The following ROBO1 variants were observed in gnomAD, a reference collection of about 807,000 sequenced individuals.
ROBO1 encodes roundabout guidance receptor 1.
ROBO1 carries 149 observed loss-of-function variants against 195.9 expected under a neutral mutation model. The observed-to-expected ratio is 0.76, with a 90% CI of 0.67 to 0.87. The LOEUF is 0.87. Among genes scored for constraint, ROBO1 ranks in the 40% least tolerant of loss-of-function variants. ROBO1 has a pLI of 0.00. For synonymous variants in ROBO1, 816 were observed against 733.2 expected (o/e 1.11, Z -1.82); for missense variants, 1,933 against 2,068.3 (o/e 0.93, Z 1.27).
intron 1 of ROBO1, among the ~76,000 whole-genome samples, chr3:79,649,979 AAT>A (rs1307298377): frequency 3.9e-5 from 6 of 152,132 alleles, no homozygotes; most frequent in Non-Finnish European, 8.8e-5. Flanking sequence ...TGTGAAAAAA[AAT>A]AGATAATTAT....
rs1471462019 is a variant in ROBO1, at chr3:78,938,323, G to C, written c.499+278C>G. 4 of 374,936 alleles carry C rather than the reference G, an allele frequency of 1.1e-5. No homozygotes were observed. The East Asian group carries it at 1.7e-4, about 16-fold the overall frequency. The allele number at this position is 374,936 out of a possible 1,614,324, so 23.2% of individuals were successfully genotyped here. The stretch of plus-strand genomic sequence containing the variant: ...AATATCTTTAAAGGTAACAAAGGAG[G>C]GGATGGAACAATTTTAATAAAACTT... On this transcript the variant is annotated intron_variant, in intron 4 of 30. Coordinates refer to ENST00000464233, the MANE Select transcript of ROBO1 (RefSeq NM_002941.4).
chr3:78,992,617 G>A (rs1251838058), intron 3 of ROBO1, among the ~76,000 whole-genome samples: 1 of 152,088 alleles, frequency 6.6e-6, no homozygotes, highest in African/African-American at 2.4e-5. Flanking sequence ...GTCAAGGTGT[G>A]CTGTGGCTTG....
At chr3:78,787,916 G>C (rs1214414552) in intron 4 of ROBO1, among the ~76,000 whole-genome samples, 1 of 134,724 alleles carries the variant, frequency 7.4e-6, no homozygotes, top group Non-Finnish European at 1.6e-5. Flanking sequence ...CACAGAGTTA[G>C]ACCCCTTCTC....
intron 1 of ROBO1, among the ~76,000 whole-genome samples, chr3:79,728,045 A>C (rs1295258688): frequency 6.6e-6 from 1 of 152,044 alleles, no homozygotes; most frequent in Non-Finnish European, 1.5e-5. Flanking sequence ...TCACGCCCCA[A>C]GTGCTTATCT....
chr3:79,213,841 TGAGA>T (rs2082008005), intron 2 of ROBO1, among the ~76,000 whole-genome samples: 2 of 73,826 alleles, frequency 2.7e-5, no homozygotes, highest in Non-Finnish European at 6.4e-5. Context: ...TTTTTTTTTG[TGAGA>T]GAGAGAGTCT....
intron 2 of ROBO1, among the ~76,000 whole-genome samples, chr3:79,447,441 C>T (rs954495091): frequency 1.3e-5 from 2 of 152,198 alleles, no homozygotes; most frequent in Admixed American, 6.5e-5. Flanking sequence ...GCATATTTAG[C>T]TTCTACCTGA....
intron 1 of ROBO1, among the ~76,000 whole-genome samples, chr3:79,599,399 G>A (rs189908897): frequency 3.3e-5 from 5 of 152,132 alleles, no homozygotes; most frequent in Non-Finnish European, 5.9e-5. Flanking sequence ...TGCTTTTCAA[G>A]ATTAAAATAT....
chr3:79,417,496 T>C (rs2038053533), intron 2 of ROBO1, among the ~76,000 whole-genome samples: 1 of 152,116 alleles, frequency 6.6e-6, no homozygotes, highest in African/African-American at 2.4e-5. Context: ...TCTAAAACTA[T>C]ATGAGATAAT....
intron 2 of ROBO1, among the ~76,000 whole-genome samples, chr3:79,382,899 G>T (rs1325222706): frequency 1.3e-5 from 2 of 152,234 alleles, no homozygotes; most frequent in East Asian, 3.9e-4. Flanking sequence ...TGGTACTTCA[G>T]CTGTTTTCCT....
intron 4 of ROBO1, among the ~76,000 whole-genome samples, chr3:78,750,886 G>A (rs898140926): frequency 6.6e-6 from 1 of 152,188 alleles, no homozygotes; most frequent in Admixed American, 6.5e-5. Flanking sequence ...TTATTTATGA[G>A]AAGGGGACCA....
chr3:79,243,665 A>G (rs1295202893), intron 2 of ROBO1, among the ~76,000 whole-genome samples: 2 of 152,100 alleles, frequency 1.3e-5, no homozygotes, highest in Admixed American at 6.5e-5. Flanking sequence ...TCCTTCGCCC[A>G]CTTTTTGATG....
intron 4 of ROBO1, among the ~76,000 whole-genome samples, chr3:78,866,981 C>T (rs1221895111): frequency 3.3e-5 from 5 of 152,088 alleles, no homozygotes; most frequent in Non-Finnish European, 5.9e-5. Flanking sequence ...ACCAAGAATG[C>T]GATTACAAGA....
At chr3:78,817,406 T>G (rs1180844240) in intron 4 of ROBO1, among the ~76,000 whole-genome samples, 1 of 151,966 alleles carries the variant, frequency 6.6e-6, no homozygotes, top group East Asian at 1.9e-4. Flanking sequence ...TCATAAATTT[T>G]ACATGCACTG....
intron 3 of ROBO1, among the ~76,000 whole-genome samples, chr3:79,021,900 T>C (rs2078111021): frequency 6.6e-6 from 1 of 152,186 alleles, no homozygotes; most frequent in Non-Finnish European, 1.5e-5. Flanking sequence ...GACCTAGTGA[T>C]GCACCCGCCT....
At chr3:79,553,478 C>A (rs1359233912) in intron 2 of ROBO1, among the ~76,000 whole-genome samples, 1 of 151,944 alleles carries the variant, frequency 6.6e-6, no homozygotes, top group African/African-American at 2.4e-5. Flanking sequence ...GCATAAAATT[C>A]TCATTCAAGA....
chr3:78,686,408 T>C (rs1212231588), intron 9 of ROBO1, among the ~76,000 whole-genome samples: 1 of 151,508 alleles, frequency 6.6e-6, no homozygotes, highest in Non-Finnish European at 1.5e-5. Context: ...TACAAAAAAT[T>C]AGCCGGGCGT....
rs1559913604 is a variant in ROBO1, at chr3:78,842,289, A to ATATGAGCCATATATATATTTATATG, written c.500-95390_500-95389insCATATAAATATATATATGGCTCATA. 1.1e-3 allele frequency among the ~76,000 whole-genome samples: 37 copies of ATATGAGCCATATATATATTTATATG among 32,902 alleles called. 3 individuals are homozygous for ATATGAGCCATATATATATTTATATG. Among genetic ancestry groups the ATATGAGCCATATATATATTTATATG allele is most frequent in the South Asian group, 2.9e-3 (2 of 698 alleles). 21.6% of individuals were successfully genotyped at this position (32,902 alleles called of 152,430 possible). A position where few individuals can be genotyped will look rare whatever the true frequency, so the allele number is the denominator to read the frequency against. On this transcript the variant is annotated intron_variant, in intron 4 of 30. Transcript: ENST00000464233. ...ATATGAGCCATATATATATTTATAT[A>ATATGAGCCATATATATATTTATATG]TATGAGCCATATATATATTTATATA...
At chr3:79,767,292 C>T (rs142053637) in intron 1 of ROBO1, among the ~76,000 whole-genome samples, 1 of 152,220 alleles carries the variant, frequency 6.6e-6, no homozygotes, top group East Asian at 1.9e-4. Flanking sequence ...CAAAGTTGCC[C>T]GGCCCCAGCC....
rs187024636 is a variant in ROBO1 at position 79,289,964 on chromosome 3, A to G, written c.89-164425T>C. Among the ~76,000 whole-genome samples, 735 of 152,052 alleles carry G rather than the reference A, an allele frequency of 4.8e-3. 11 individuals are homozygous for G. Among genetic ancestry groups the G allele is most frequent in the African/African-American group, 0.017 (696 of 41,380 alleles). ...TCTGAAGGTACACATTTACAGAAGA[A>G]CAAAAAAAAAATTGACCTTGAAATC... On this transcript the variant is annotated intron_variant, in intron 2 of 30. Transcript: ENST00000464233.
Sources: gnomAD v4.1 joint callset for allele counts (sites outside exome capture counted in the v4.1 genomes callset) on GRCh38, gnomAD v4.1.1 for gene constraint, MANE v1.5 for transcripts, NCBI Gene and HGNC (gene_info 2026-07-23, HGNC 2026-07-21) for gene names.